SELP: variants seen among roughly 807,000 people sequenced by gnomAD.
SELP encodes P-selectin.
A neutral mutation model predicts 104.1 loss-of-function variants in SELP; 92 were observed. The observed-to-expected ratio is 0.88, with a 90% CI of 0.75 to 1.05. The LOEUF is 1.05. SELP is among the 50% of genes least tolerant of loss of function. SELP has a pLI of 0.00. For synonymous variants in SELP, 397 were observed against 364.5 expected (o/e 1.09, Z -1.01); for missense variants, 1,022 against 1,017.3 (o/e 1.00, Z -0.06).
intron 10 of SELP, among the ~76,000 whole-genome samples, chr1:169,598,277 A>G (rs1425551356): frequency 6.6e-6 from 1 of 152,202 alleles, no homozygotes; most frequent in Non-Finnish European, 1.5e-5. Context: ...TGAAGTGACT[A>G]TTCTTTCTTT....
chr1:169,617,450 C>T (rs753376924), intron 2 of SELP, 36 bp from the exon 3 acceptor site: 6 of 1,585,742 alleles, frequency 3.8e-6, no homozygotes, highest in Non-Finnish European at 5.1e-6. Context: ...GGTTAGTACC[C>T]CTCACCAAAA....
chr1:169,611,814 G>T, intron 6 of SELP, 137 bp from the exon 7 acceptor site: 2 of 823,174 alleles, frequency 2.4e-6, no homozygotes, highest in Non-Finnish European at 3.8e-6. Context: ...AATGATGTTT[G>T]TCCAGACTTG....
At chr1:169,615,037 C>A (rs766093957) in intron 3 of SELP, among the ~76,000 whole-genome samples, 22 of 152,094 alleles carry the variant, frequency 1.4e-4, no homozygotes, top group Non-Finnish European at 2.2e-4. Context: ...GTATTCTATC[C>A]CATTTCAGGG....
intron 8 of SELP, 73 bp downstream of exon 8, chr1:169,609,431 C>G (rs1662377041): frequency 7.1e-7 from 1 of 1,403,014 alleles, no homozygotes; most frequent in Non-Finnish European, 9.8e-7. Context: ...AAAGGCATGC[C>G]AATGCTCAGT....
At chr1:169,604,131 A>G (rs1662061320) in intron 9 of SELP, among the ~76,000 whole-genome samples, 1 of 151,826 alleles carries the variant, frequency 6.6e-6, no homozygotes, top group African/African-American at 2.4e-5. Flanking sequence ...TGACTTTTTA[A>G]TGATCGCCAT....
chr1:169,595,961 A>T lies in SELP; in HGVS notation c.2065T>A (p.Ser689Thr), dbSNP rs1557946561. ...IGDSTLSCRPSGQWTAVTPAC... is the reference protein window; with the variant it reads ...IGDSTLSCRPTGQWTAVTPAC... ...GGAGTTACTGCTGTCCATTGTCCTG[A>T]AGGTCTGCAGCTGAGAGTGCTGTCT... Residue 689 changes from serine (S) to threonine (T), a missense_variant, in exon 12 of 17, where the codon TCA (serine) becomes ACA (threonine). Physicochemically the swap from Ser to Thr is moderately conservative, Grantham distance 58. Coordinates refer to ENST00000263686, the MANE Select transcript of SELP (RefSeq NM_003005.4). 6.2e-7 allele frequency: 1 copy of T among 1,613,658 alleles called. No individual in the cohort carries two copies. Among genetic ancestry groups the T allele is most frequent in the Non-Finnish European group, 8.5e-7 (1 of 1,179,792 alleles).
chr1:169,594,545 C>T, intron 13 of SELP, 147 bp downstream of exon 13: 1 of 712,010 alleles, frequency 1.4e-6, no homozygotes, highest in Non-Finnish European at 2.4e-6. Flanking sequence ...CAAGGAGATT[C>T]TGCCTGATTC....
chr1:169,601,897 T>C (rs1454648418), intron 10 of SELP, among the ~76,000 whole-genome samples: 1 of 152,182 alleles, frequency 6.6e-6, no homozygotes, highest in Non-Finnish European at 1.5e-5. Context: ...TTATTACCAT[T>C]ATCACTGGTC....
chr1:169,620,485 G>A (rs1179419867), intron 1 of SELP, among the ~76,000 whole-genome samples: 1 of 151,036 alleles, frequency 6.6e-6, no homozygotes, highest in African/African-American at 2.4e-5. Flanking sequence ...AAGCCTAGCT[G>A]CTACATCAGT....
chr1:169,613,441 A>G, intron 4 of SELP, 145 bp downstream of exon 4: 1 of 671,668 alleles, frequency 1.5e-6, no homozygotes, highest in Non-Finnish European at 2.7e-6. Context: ...GTGTGTGTCT[A>G]GGGACACTGA....
At position 169,594,740 on chromosome 1, in the gene SELP, C is replaced by T. The variant is rs1379922633; in HGVS notation, c.2239G>A (p.Ala747Thr). Residue 747 changes from alanine to threonine, a missense_variant, in exon 13 of 17, where the codon GCA becomes ACA. Coordinates refer to ENST00000263686, the MANE Select transcript of SELP (RefSeq NM_003005.4). Reference sequence around the variant, plus strand: ...GACCAGTGGCCATTCTCTTGGCATGCTGTTTGTGCAGAGCCATTAAGTAAC... The same window carrying T: ...GACCAGTGGCCATTCTCTTGGCATGTTGTTTGTGCAGAGCCATTAAGTAAC... The part of the protein sequence containing the change: ...GQLLNGSAQT[A>T]CQENGHWSTT... 1.2e-6 allele frequency: 2 copies of T among 1,613,676 alleles called. No individual in the cohort carries two copies. Among genetic ancestry groups the T allele is most frequent in the Admixed American group, 1.7e-5 (1 of 59,950 alleles).
chr1:169,608,634 T>A (rs2101896556), intron 8 of SELP, among the ~76,000 whole-genome samples: 1 of 152,288 alleles, frequency 6.6e-6, no homozygotes, highest in South Asian at 2.1e-4. Flanking sequence ...TTGGGTTGCT[T>A]CCACATTTTA....
At chr1:169,607,240 G>C in intron 8 of SELP, 106 bp from the exon 9 acceptor site, 1 of 918,224 alleles carries the variant, frequency 1.1e-6, no homozygotes, top group African/African-American at 1.7e-5. Context: ...TCCTGAATTG[G>C]GCTTGTTTAA....
chr1:169,592,117 A>C (rs1219337775), intron 14 of SELP, among the ~76,000 whole-genome samples: 3 of 152,228 alleles, frequency 2.0e-5, no homozygotes, highest in Admixed American at 1.3e-4. Flanking sequence ...ATAGAGATTA[A>C]GGTCTAGGAG....
chr1:169,622,223 C>T (rs1312978877), intron 1 of SELP, among the ~76,000 whole-genome samples: 2 of 152,184 alleles, frequency 1.3e-5, no homozygotes, highest in Non-Finnish European at 2.9e-5. Flanking sequence ...GATATTGCAG[C>T]AAATCCGTTT....
intron 10 of SELP, 106 bp from the exon 11 acceptor site, chr1:169,597,282 T>A: frequency 1.0e-6 from 1 of 1,002,024 alleles, no homozygotes; most frequent in Non-Finnish European, 1.4e-6. Context: ...ATTAAGCACC[T>A]ATATTCCAGG....
intron 12 of SELP, among the ~76,000 whole-genome samples, chr1:169,595,306 T>C (rs971022351): frequency 1.3e-5 from 2 of 152,232 alleles, no homozygotes; most frequent in African/African-American, 4.8e-5. Context: ...AGAAGTAGAC[T>C]GTCATCCTCC....
rs748517183 is a variant in SELP, at chr1:169,603,129, G to A, written c.1602C>T (p.Ser534=). Residue 534 remains serine (S), a synonymous_variant, in exon 10 of 17, where the codon TCC becomes TCT. Transcript: ENST00000263686. ...CCTCGTCACAGATGAATTGACATGT[G>A]GATTTATAACTGGAACTTCCAAGAG... ...VQPLGSSSYK[S]TCQFICDEGY... is the part of the protein sequence containing the mutation. The A allele has an allele frequency of 1.2e-6, 2 of 1,613,888 alleles. No individual in the cohort carries two copies. The highest frequency in any genetic ancestry group is 1.7e-6 in the Non-Finnish European group (2 of 1,179,978).
At position 169,606,122 on chromosome 1, in the gene SELP, G is replaced by A. The variant is rs1662181458; in HGVS notation, c.1519+827C>T. On this transcript the variant is annotated intron_variant, in intron 9 of 16. Coordinates refer to ENST00000263686, the MANE Select transcript of SELP (RefSeq NM_003005.4). ...ACCTGAGGTCAGGAGTTTGAGACCA[G>A]CCTAGCTAAGATGGTGAAACCTCAT... 5.9e-5 allele frequency among the ~76,000 whole-genome samples: 9 copies of A among 152,290 alleles called. No individual in the cohort carries two copies. In the South Asian group the frequency reaches 1.9e-3, roughly 32 times the overall value.
Sources: gnomAD v4.1 joint callset for allele counts (sites outside exome capture counted in the v4.1 genomes callset) on GRCh38, gnomAD v4.1.1 for gene constraint, MANE v1.5 for transcripts, NCBI Gene and HGNC (gene_info 2026-07-23, HGNC 2026-07-21) for gene names.